CASZ1: variants seen among roughly 807,000 people sequenced by gnomAD.
The protein encoded by CASZ1 is castor zinc finger 1.
A neutral mutation model predicts 135.2 loss-of-function variants in CASZ1; 28 were observed. That is an observed-to-expected ratio of 0.21 (90% CI 0.15 to 0.28). The LOEUF (loss-of-function observed/expected upper bound fraction) is 0.28, where lower values mean the gene tolerates loss of function less well. Among genes scored for constraint, CASZ1 ranks in the 10% least tolerant of loss-of-function variants. The pLI, the probability that CASZ1 is intolerant of heterozygous loss-of-function variation, is 1.00. For missense variants in CASZ1, 2,161 were observed against 2,453.3 expected, an observed-to-expected ratio of 0.88 and a Z score of 2.52; for synonymous variants, 1,068 against 1,073.4, an observed-to-expected ratio of 0.99 and a Z score of 0.10.
At chr1:10,715,349 C>T (rs1319809656) in intron 2 of CASZ1, among the ~76,000 whole-genome samples, 2 of 152,186 alleles carry the variant, frequency 1.3e-5, no homozygotes, top group East Asian at 1.9e-4. Flanking sequence ...CCTGTACCCG[C>T]GCTAGGCAGG....
intron 17 of CASZ1, among the ~76,000 whole-genome samples, chr1:10,645,429 T>C (rs284245): frequency 0.29 from 43,928 of 151,736 alleles, 7,613 homozygotes; most frequent in African/African-American, 0.48. Context: ...ACTCGGGAGG[T>C]TGAGGCAGGA....
intron 2 of CASZ1, among the ~76,000 whole-genome samples, chr1:10,742,537 G>A (rs899881131): frequency 3.3e-5 from 5 of 152,200 alleles, no homozygotes; most frequent in East Asian, 3.9e-4. Flanking sequence ...TCAACTTGTC[G>A]CAGAAAACAA....
chr1:10,674,218 A>G (rs1338847391), intron 4 of CASZ1, among the ~76,000 whole-genome samples: 1 of 152,226 alleles, frequency 6.6e-6, no homozygotes, highest in African/African-American at 2.4e-5. Context: ...CTACCTGGGC[A>G]TGAGCCCCTG....
rs769770009 is a variant in CASZ1, at chr1:10,654,589, C to T, written c.1668G>A (p.Val556=). 3 of 1,614,024 alleles carry T rather than the reference C, an allele frequency of 1.9e-6. No individual in the cohort carries two copies. The Admixed American group carries it at 5.0e-5, about 27-fold the overall frequency. The part of the protein sequence containing the change: ...GKSTHYHCMQ[V]GCNKVYTSTS... ...TGCTCGTGTACACCTTGTTACAGCC[C>T]ACCTGCACAGGACGGGATGGTGGTC... The change falls in exon 10 of 21, where the codon GTG becomes GTA. Residue 556 remains valine (V), a splice_region_variant and synonymous_variant. Coordinates refer to ENST00000377022, the MANE Select transcript of CASZ1 (RefSeq NM_001079843.3).
At chr1:10,746,084 A>T (rs1165023692) in intron 2 of CASZ1, among the ~76,000 whole-genome samples, 1 of 152,220 alleles carries the variant, frequency 6.6e-6, no homozygotes, top group East Asian at 1.9e-4. Flanking sequence ...TCAACAGATG[A>T]CCTGCCTGTC....
chr1:10,748,824 C>T (rs954269100), intron 2 of CASZ1, among the ~76,000 whole-genome samples: 1 of 152,258 alleles, frequency 6.6e-6, no homozygotes, highest in Non-Finnish European at 1.5e-5. Context: ...GCCATGATGG[C>T]CAAGGCCCAC....
At chr1:10,698,280 A>G (rs769205088) in intron 3 of CASZ1, among the ~76,000 whole-genome samples, 8 of 152,250 alleles carry the variant, frequency 5.3e-5, no homozygotes, top group Non-Finnish European at 1.0e-4. Context: ...ATGGAAAATT[A>G]TAGGAAAATT....
At chr1:10,770,583 G>A (rs1217004202) in intron 1 of CASZ1, among the ~76,000 whole-genome samples, 1 of 152,090 alleles carries the variant, frequency 6.6e-6, no homozygotes, top group African/African-American at 2.4e-5. Flanking sequence ...AGCCAGCAGT[G>A]CGGTCACAGG....
Position 10,747,326 on chromosome 1 carries a change from G to T in CASZ1, c.-77+13375C>A, listed in dbSNP as rs1640062923. ...GCTCATCTTTCGTAGATGCAACCCAGCAGACAAACCAAATCCCATGGGCAG... is the reference window on the plus strand; with the variant it reads ...GCTCATCTTTCGTAGATGCAACCCATCAGACAAACCAAATCCCATGGGCAG... On this transcript the variant is annotated intron_variant, in intron 2 of 20. Coordinates refer to ENST00000377022, the MANE Select transcript of CASZ1 (RefSeq NM_001079843.3). This position sits in a 1 kb window ranked among gnomAD's most constrained non-coding sequence, Gnocchi z 4.3. Among the ~76,000 whole-genome samples, 1 of 152,208 alleles carries T rather than the reference G, an allele frequency of 6.6e-6. No individual in the cohort carries two copies. Among genetic ancestry groups the T allele is most frequent in the Non-Finnish European group, 1.5e-5 (1 of 68,030 alleles).
chr1:10,779,776 G>A (rs1162469284), intron 1 of CASZ1, among the ~76,000 whole-genome samples: 1 of 152,218 alleles, frequency 6.6e-6, no homozygotes, highest in East Asian at 1.9e-4. Context: ...CCATCCTCGG[G>A]ATGATAATTT....
Position 10,666,849 on chromosome 1 carries a change from C to T in CASZ1, c.17-1278G>A, listed in dbSNP as rs958815400. ...AGCCACATGGAACTGTCTGTCTGTC[C>T]GTCCATTTAGTGAGCTCCTTCTGTG... is the stretch of plus-strand genomic sequence containing the variant. On this transcript the variant is annotated intron_variant, in intron 4 of 20. Transcript: ENST00000377022. The surrounding 1 kb of genome is among the most constrained non-coding windows in gnomAD (Gnocchi z 5.2). 6.6e-5 allele frequency among the ~76,000 whole-genome samples: 10 copies of T among 152,250 alleles called. No homozygotes were observed. The highest frequency in any genetic ancestry group is 4.1e-4 in the South Asian group (2 of 4,834).
At chr1:10,662,143 TCACA>T (rs1164787566) in intron 5 of CASZ1, among the ~76,000 whole-genome samples, 2 of 150,788 alleles carry the variant, frequency 1.3e-5, no homozygotes, top group Admixed American at 6.6e-5. Context: ...TCGCATACAC[TCACA>T]CACCTACACA....
At chr1:10,664,501 C>A (rs1570440023) in intron 5 of CASZ1, among the ~76,000 whole-genome samples, 2 of 152,270 alleles carry the variant, frequency 1.3e-5, no homozygotes, top group East Asian at 3.9e-4. Flanking sequence ...GCTGGCCGGG[C>A]TGGCAATCCA....
chr1:10,778,509 C>A (rs1640702308), intron 1 of CASZ1, among the ~76,000 whole-genome samples: 1 of 152,158 alleles, frequency 6.6e-6, no homozygotes, highest in African/African-American at 2.4e-5. Flanking sequence ...CAGTCACTCA[C>A]ACAATCTCAG....
Position 10,686,943 on chromosome 1 carries a change from A to G in CASZ1, c.16+6931T>C, listed in dbSNP as rs534587419. Among the ~76,000 whole-genome samples, 68 of 152,348 alleles carry G rather than the reference A, an allele frequency of 4.5e-4. 1 individual carries two copies. The East Asian group carries it at 0.01, about 23-fold the overall frequency. ...GAGCCGGGTCATCCTTTTGCGAGGC[A>G]GCCCGGCTTCCTGTGGCCTTGGGTT... On this transcript the variant is annotated intron_variant, in intron 4 of 20. Transcript: ENST00000377022.
intron 2 of CASZ1, among the ~76,000 whole-genome samples, chr1:10,714,731 T>C (rs1639347021): frequency 6.6e-6 from 1 of 152,234 alleles, no homozygotes; most frequent in Admixed American, 6.5e-5. Context: ...GCAGACTCTC[T>C]AATCAGGCTG....
In CASZ1 at chr1:10,755,933, G is replaced by A. The variant is rs1640245991; in HGVS notation, c.-77+4768C>T. Among the ~76,000 whole-genome samples, 2 of 151,392 alleles carry A rather than the reference G, an allele frequency of 1.3e-5. No individual in the cohort carries two copies. Among genetic ancestry groups the A allele is most frequent in the Admixed American group, 6.6e-5 (1 of 15,190 alleles). On this transcript the variant is annotated intron_variant, in intron 2 of 20. Coordinates refer to ENST00000377022, the MANE Select transcript of CASZ1 (RefSeq NM_001079843.3). This position sits in a 1 kb window ranked among gnomAD's most constrained non-coding sequence, Gnocchi z 4.3. ...ATCAAAGCCCTGGAGGATGGCATGA[G>A]AACTGTCCAGTCCAGTTAGGAGTGA...
chr1:10,783,733 G>C (rs528070737), intron 1 of CASZ1, among the ~76,000 whole-genome samples: 8 of 152,008 alleles, frequency 5.3e-5, no homozygotes, highest in African/African-American at 1.9e-4. Context: ...TTAGCCAGGC[G>C]TGGTGACGCA....
At chr1:10,748,464 C>T (rs575473240) in intron 2 of CASZ1, among the ~76,000 whole-genome samples, 9 of 152,316 alleles carry the variant, frequency 5.9e-5, no homozygotes, top group South Asian at 2.1e-4. Context: ...TTTTAGAGAA[C>T]GCATCCCTGC....
Sources: allele counts gnomAD v4.1 joint callset (sites outside exome capture counted in the v4.1 genomes callset), GRCh38; gene constraint gnomAD v4.1.1; non-coding constraint Gnocchi (gnomAD v3.1); transcripts MANE v1.5; gene names NCBI Gene and HGNC (gene_info 2026-07-23, HGNC 2026-07-21).